The following ELOVL6 variants were observed in gnomAD, a reference collection of about 807,000 sequenced individuals.
ELOVL6 encodes ELOVL fatty acid elongase 6.
In ELOVL6, 8 loss-of-function variants were observed where a neutral mutation model predicts 31.7. The observed-to-expected ratio is 0.25, with a 90% CI of 0.15 to 0.45. The LOEUF (loss-of-function observed/expected upper bound fraction) is 0.45, where lower values mean the gene tolerates loss of function less well. ELOVL6 is among the 20% of genes least tolerant of loss of function. The pLI is 1.00. For synonymous variants in ELOVL6, 101 were observed against 117.7 expected (o/e 0.86, Z 0.92); for missense variants, 126 against 326.4 (o/e 0.39, Z 4.73).
intron 1 of ELOVL6, among the ~76,000 whole-genome samples, chr4:110,145,481 C>T (rs969321074): frequency 3.9e-5 from 6 of 152,102 alleles, no homozygotes; most frequent in Admixed American, 6.5e-5. Flanking sequence ...ACCAAAGAGG[C>T]GAACTGTCTA....
chr4:110,052,035 C>G (rs913315023), intron 3 of ELOVL6, among the ~76,000 whole-genome samples: 1 of 152,216 alleles, frequency 6.6e-6, no homozygotes, highest in African/African-American at 2.4e-5. Flanking sequence ...TGGCTCTCTT[C>G]ACACACAGGA....
intron 2 of ELOVL6, among the ~76,000 whole-genome samples, chr4:110,089,740 A>C (rs1756367737): frequency 6.6e-6 from 1 of 152,190 alleles, no homozygotes; most frequent in Admixed American, 6.5e-5. Flanking sequence ...TTCTTGTCAA[A>C]GCAGCTCATT....
At chr4:110,084,113 T>TATTTACATGTTATATATC (rs1560814053) in intron 2 of ELOVL6, among the ~76,000 whole-genome samples, 4 of 76,948 alleles carry the variant, frequency 5.2e-5, no homozygotes, top group African/African-American at 2.0e-4. Context: ...ATATATATGA[T>TATTTACATGTTATATATC]ATATATAACA....
At chr4:110,178,816 G>A (rs1759192060) in intron 1 of ELOVL6, among the ~76,000 whole-genome samples, 1 of 152,108 alleles carries the variant, frequency 6.6e-6, no homozygotes, top group Non-Finnish European at 1.5e-5. Flanking sequence ...GACAGAGAGA[G>A]ACTCTGTCCT....
chr4:110,168,887 G>C (rs998566480), intron 1 of ELOVL6, among the ~76,000 whole-genome samples: 1 of 152,130 alleles, frequency 6.6e-6, no homozygotes, highest in African/African-American at 2.4e-5. Flanking sequence ...TGTTCATGAA[G>C]CCTTTAGTGG....
intron 1 of ELOVL6, among the ~76,000 whole-genome samples, chr4:110,180,263 T>A (rs984540389): frequency 1.3e-5 from 2 of 152,260 alleles, no homozygotes; most frequent in Non-Finnish European, 2.9e-5. Flanking sequence ...AGATAGCAGA[T>A]ATAATGTGCT....
chr4:110,088,260 T>A (rs934471983), intron 2 of ELOVL6, among the ~76,000 whole-genome samples: 1 of 152,158 alleles, frequency 6.6e-6, no homozygotes, highest in Non-Finnish European at 1.5e-5. Flanking sequence ...AAAATGAGAA[T>A]AAACACTAAT....
chr4:110,055,117 C>T (rs971592121), intron 3 of ELOVL6, among the ~76,000 whole-genome samples: 1 of 152,148 alleles, frequency 6.6e-6, no homozygotes, highest in Admixed American at 6.5e-5. Context: ...ACCAAGTCCT[C>T]TCACGGTCTT....
intron 1 of ELOVL6, among the ~76,000 whole-genome samples, chr4:110,182,622 AG>A (rs1759320350): frequency 6.6e-6 from 1 of 152,200 alleles, no homozygotes; most frequent in Non-Finnish European, 1.5e-5. Context: ...AAACTGGAAC[AG>A]GGAGGCCGGG....
At chr4:110,054,795 T>C (rs1223628995) in intron 3 of ELOVL6, among the ~76,000 whole-genome samples, 1 of 152,158 alleles carries the variant, frequency 6.6e-6, no homozygotes, top group Admixed American at 6.6e-5. Context: ...ATATCTCAGG[T>C]TTAACTGAGA....
chr4:110,109,100 C>A (rs914368929), intron 1 of ELOVL6, among the ~76,000 whole-genome samples: 4 of 152,080 alleles, frequency 2.6e-5, no homozygotes, highest in African/African-American at 9.7e-5. Flanking sequence ...AATGGTTTGC[C>A]ACTAGCCCAC....
chr4:110,167,647 C>A (rs968137704), intron 1 of ELOVL6, among the ~76,000 whole-genome samples: 2 of 149,612 alleles, frequency 1.3e-5, no homozygotes, highest in Non-Finnish European at 3.0e-5. Flanking sequence ...CCTGCCACCA[C>A]CTCAGTTATG....
At chr4:110,173,177 T>G (rs1759003997) in intron 1 of ELOVL6, among the ~76,000 whole-genome samples, 1 of 152,072 alleles carries the variant, frequency 6.6e-6, no homozygotes, top group Non-Finnish European at 1.5e-5. Context: ...CAGAACAAAT[T>G]ATTGGGTGTG....
chr4:110,163,889 C>A (rs1357702823), intron 1 of ELOVL6, among the ~76,000 whole-genome samples: 2 of 152,142 alleles, frequency 1.3e-5, no homozygotes, highest in Non-Finnish European at 2.9e-5. Context: ...TCTTCCTTAT[C>A]AGGTGGGTAA....
At chr4:110,084,033 TGGTATATAAC>T (rs1756012903) in intron 2 of ELOVL6, among the ~76,000 whole-genome samples, 2 of 60,458 alleles carry the variant, frequency 3.3e-5, no homozygotes, top group African/African-American at 1.4e-4. Flanking sequence ...ATGCCATATA[TGGTATATAAC>T]ACATGCTATA....
intron 1 of ELOVL6, among the ~76,000 whole-genome samples, chr4:110,187,445 G>C (rs1198543120): frequency 1.6e-5 from 2 of 128,720 alleles, no homozygotes; most frequent in Non-Finnish European, 3.4e-5. Flanking sequence ...TCAGCAAAAT[G>C]AAAAAAAAAA....
intron 1 of ELOVL6, among the ~76,000 whole-genome samples, chr4:110,188,972 T>C (rs1439735774): frequency 6.6e-6 from 1 of 151,986 alleles, no homozygotes; most frequent in Non-Finnish European, 1.5e-5. Flanking sequence ...TCATTGCTCC[T>C]GAATGAAGAA....
chr4:110,198,385 ATCTGT>A lies in ELOVL6; in HGVS notation c.-55_-51del. 1 of 1,149,836 alleles carries A rather than the reference ATCTGT, an allele frequency of 8.7e-7. No individual in the cohort carries two copies. The allele number at this position is 1,149,836 out of a possible 1,614,324, so 71.2% of individuals were successfully genotyped here. A position where few individuals can be genotyped will look rare whatever the true frequency, so the allele number is the denominator to read the frequency against. On this transcript the variant is annotated 5_prime_UTR_variant, in exon 1 of 4. Coordinates refer to ENST00000302274, the MANE Select transcript of ELOVL6 (RefSeq NM_024090.3). Reference sequence around the variant, plus strand: ...CGTGTTCTCTATACAAAATAAAATAATCTGTAAAGCGCTTGATTTCGAGTGTTCTC... The same window carrying A: ...CGTGTTCTCTATACAAAATAAAATAAAAAGCGCTTGATTTCGAGTGTTCTC...
intron 1 of ELOVL6, among the ~76,000 whole-genome samples, chr4:110,156,241 T>C (rs1758413247): frequency 6.6e-6 from 1 of 152,110 alleles, no homozygotes; most frequent in Admixed American, 6.6e-5. Context: ...AGAAGCTGTG[T>C]CAGGAAAAGA....
Sources: allele counts gnomAD v4.1 joint callset (sites outside exome capture counted in the v4.1 genomes callset), GRCh38; gene constraint gnomAD v4.1.1; transcripts MANE v1.5; gene names NCBI Gene and HGNC (gene_info 2026-07-23, HGNC 2026-07-21).